Variants in SLC4A7 observed in about 807,000 individuals in gnomAD.
SLC4A7 encodes solute carrier family 4 member 7.
Under a neutral mutation model 137.6 loss-of-function variants are expected in SLC4A7, and 51 were observed. The ratio of observed to expected loss-of-function variants is 0.37; its 90% CI spans 0.30 to 0.47. SLC4A7 has a LOEUF of 0.47. Ranked by LOEUF, SLC4A7 falls within the 20% of genes least tolerant of loss-of-function variation. The pLI is 1.00. For missense variants in SLC4A7, 1,247 were observed against 1,525.4 expected (o/e 0.82, Z 3.04); for synonymous variants, 542 against 518.6 (o/e 1.05, Z -0.61).
intron 11 of SLC4A7, among the ~76,000 whole-genome samples, chr3:27,416,258 T>C (rs2054377399): frequency 6.6e-6 from 1 of 152,332 alleles, no homozygotes; most frequent in South Asian, 2.1e-4. Context: ...ACACTTGAGC[T>C]CACTGCAATA....
chr3:27,473,705 C>CAAAAAAAAAAAAAAA, intron 1 of SLC4A7, among the ~76,000 whole-genome samples: 1 of 59,464 alleles, frequency 1.7e-5, no homozygotes, highest in Non-Finnish European at 2.9e-5. Flanking sequence ...GACCTCATGT[C>CAAAAAAAAAAAAAAA]AAAAAAAAAA....
rs2059849755 is a variant in SLC4A7, at chr3:27,484,295, G to T, written c.-169C>A. The T allele has an allele frequency of 1.7e-5, 7 of 413,410 alleles. No individual in the cohort carries two copies. 25.6% of individuals were successfully genotyped at this position (413,410 alleles called of 1,614,324 possible). On this transcript the variant is annotated 5_prime_UTR_variant, in exon 1 of 26. Transcript: ENST00000454389. The stretch of plus-strand genomic sequence containing the variant: ...GGGGAGAGCCGGGCGCCGGGCGCGG[G>T]AGACGCGGGGCGTGCGTGTGCGCGC...
rs1353113287 is a variant in SLC4A7, at chr3:27,436,581, G to A, written c.429-33C>T. The A allele has an allele frequency of 5.4e-6, 7 of 1,307,150 alleles. No homozygotes were observed. In the South Asian group the frequency reaches 5.7e-5, roughly 11 times the overall value. The allele number at this position is 1,307,150 out of a possible 1,614,324, so 81.0% of individuals were successfully genotyped here. A position where few individuals can be genotyped will look rare whatever the true frequency, so the allele number is the denominator to read the frequency against. ...CATAATGTATAAAAATATTTTATAA[G>A]TAATGAAGATTCCATTTGTTTATCT... On this transcript the variant is annotated intron_variant, in intron 4 of 25. Coordinates refer to ENST00000454389, the MANE Select transcript of SLC4A7 (RefSeq NM_001321103.2).
chr3:27,413,801 A>T (rs1320402358), intron 11 of SLC4A7, among the ~76,000 whole-genome samples: 2 of 152,222 alleles, frequency 1.3e-5, no homozygotes, highest in African/African-American at 4.8e-5. Context: ...AAACAAGTTT[A>T]AAAATGCCTA....
Position 27,374,699 on chromosome 3 carries a change from A to G in SLC4A7, c.*2065T>C, listed in dbSNP as rs2049784072. 6.6e-6 allele frequency: 1 copy of G among 152,642 alleles called. No individual in the cohort carries two copies. Among genetic ancestry groups the G allele is most frequent in the Non-Finnish European group, 1.5e-5 (1 of 67,894 alleles). The allele number at this position is 152,642 out of a possible 1,614,324, so 9.5% of individuals were successfully genotyped here. On this transcript the variant is annotated 3_prime_UTR_variant, in exon 26 of 26. Transcript: ENST00000454389. ...GGATAATTACTATACACAATTAAAT[A>G]AAATCACAGAAACACTATGATCCCA...
At chr3:27,475,793 A>G (rs540921020) in intron 1 of SLC4A7, among the ~76,000 whole-genome samples, 2 of 152,242 alleles carry the variant, frequency 1.3e-5, no homozygotes, top group African/African-American at 4.8e-5. Flanking sequence ...ATTATGAACA[A>G]AACAAAAATA....
rs1354820432 is a variant in SLC4A7 at position 27,424,111 on chromosome 3, T to C, written c.1192A>G (p.Asn398Asp). ...SPQSAPGNLD[N>D]SKSGEIKGNG... ...CCTTTAATTTCTCCACTTTTACTAT[T>C]GTCCAAGTTTCCAGGAGCAGACTGG... Residue 398 changes from asparagine to aspartate, a missense_variant, in exon 8 of 26, where the codon AAT (asparagine) becomes GAT (aspartate). Asn to Asp is a conservative substitution (Grantham distance 23). This residue lies in a region of SLC4A7 where 499 missense variants were observed against 664.2 expected (regional missense o/e 0.75). Coordinates refer to ENST00000454389, the MANE Select transcript of SLC4A7 (RefSeq NM_001321103.2). The C allele has an allele frequency of 6.2e-7, 1 of 1,611,730 alleles. No individual in the cohort carries two copies. Among genetic ancestry groups the C allele is most frequent in the South Asian group, 1.1e-5 (1 of 90,778 alleles).
chr3:27,466,814 G>A (rs9814923), intron 1 of SLC4A7, among the ~76,000 whole-genome samples: 4 of 151,988 alleles, frequency 2.6e-5, no homozygotes, highest in African/African-American at 4.8e-5. Context: ...CCGCGATTGC[G>A]CCACTGCACT....
intron 8 of SLC4A7, 111 bp downstream of exon 8, chr3:27,423,926 C>A: frequency 1.6e-6 from 1 of 644,612 alleles, no homozygotes; most frequent in East Asian, 2.9e-5. Context: ...TTTGTAAGCA[C>A]CAGTCTACTA....
intron 7 of SLC4A7, among the ~76,000 whole-genome samples, chr3:27,424,760 G>A (rs2055374013): frequency 2.0e-5 from 3 of 152,136 alleles, no homozygotes; most frequent in African/African-American, 7.2e-5. Flanking sequence ...TTTTTGCAAT[G>A]AAATTGGCAG....
chr3:27,461,617 A>AC (rs1156428049), intron 1 of SLC4A7, among the ~76,000 whole-genome samples: 28 of 151,668 alleles, frequency 1.8e-4, no homozygotes, highest in Admixed American at 4.6e-4. Context: ...AAAAAAAAAA[A>AC]AAAAAAGAAT....
chr3:27,483,143 T>C (rs1166999203), intron 1 of SLC4A7, among the ~76,000 whole-genome samples: 2 of 152,226 alleles, frequency 1.3e-5, no homozygotes, highest in African/African-American at 2.4e-5. Context: ...AATACTTCCA[T>C]CTCCTTTGAG....
At chr3:27,379,193 T>A (rs886648658) in intron 25 of SLC4A7, 56 bp downstream of exon 25, 2 of 835,348 alleles carry the variant, frequency 2.4e-6, no homozygotes, top group Non-Finnish European at 3.9e-6. Context: ...AATGAAGCTA[T>A]CATAAGTAAA....
chr3:27,446,865 GTT>G (rs1172280618), intron 3 of SLC4A7, among the ~76,000 whole-genome samples: 2 of 80,250 alleles, frequency 2.5e-5, no homozygotes, highest in Non-Finnish European at 5.2e-5. Flanking sequence ...TCTTAGTAGA[GTT>G]TTTTTTTGTT....
chr3:27,425,539 G>C (rs1235887066), intron 7 of SLC4A7, among the ~76,000 whole-genome samples: 1 of 149,188 alleles, frequency 6.7e-6, no homozygotes, highest in Admixed American at 6.7e-5. Flanking sequence ...AGCCTGGCGT[G>C]GTGGAGCATG....
Position 27,403,331 on chromosome 3 carries a change from G to A in SLC4A7, c.2129C>T (p.Ser710Phe). 5 of 1,612,418 alleles carry A rather than the reference G, an allele frequency of 3.1e-6. No homozygotes were observed. The highest frequency in any genetic ancestry group is 4.2e-6 in the Non-Finnish European group (5 of 1,178,690). ...SLRTSIGLWT[S>F]FLCIVLVATD... The stretch of plus-strand genomic sequence containing the variant: ...TGCAACCAAAACAATGCACAAAAAA[G>A]AAGTCCACAGACCAATACTGGTTCT... Residue 710 changes from serine to phenylalanine, a missense_variant, in exon 15 of 26, where the codon TCT becomes TTT. Transcript: ENST00000454389.
chr3:27,426,525 A>G (rs2055643352), intron 7 of SLC4A7, among the ~76,000 whole-genome samples: 1 of 152,218 alleles, frequency 6.6e-6, no homozygotes, highest in Non-Finnish European at 1.5e-5. Flanking sequence ...ATATATCATC[A>G]AAAGCATACA....
chr3:27,409,165 G>A (rs1341385889), intron 13 of SLC4A7, among the ~76,000 whole-genome samples, 191 bp downstream of exon 13: 1 of 151,970 alleles, frequency 6.6e-6, no homozygotes, highest in African/African-American at 2.4e-5. Context: ...TACCTCAACT[G>A]TGCATCTTCT....
At chr3:27,461,171 G>A (rs1250066108) in intron 1 of SLC4A7, among the ~76,000 whole-genome samples, 2 of 151,514 alleles carry the variant, frequency 1.3e-5, no homozygotes, top group Non-Finnish European at 2.9e-5. Context: ...TGCAGATGAT[G>A]TGACAGTGTA....
Sources: allele counts gnomAD v4.1 joint callset (sites outside exome capture counted in the v4.1 genomes callset), GRCh38; gene constraint gnomAD v4.1.1; regional missense constraint gnomAD v4.1.1; transcripts MANE v1.5; gene names NCBI Gene and HGNC (gene_info 2026-07-23, HGNC 2026-07-21).